The following SMYD3 variants were observed in gnomAD, a reference collection of about 807,000 sequenced individuals.
SMYD3 encodes the protein histone-lysine N-methyltransferase SMYD3.
SMYD3 carries 36 observed loss-of-function variants against 57.7 expected under a neutral mutation model. The observed-to-expected ratio is 0.62, with a 90% CI of 0.48 to 0.82. SMYD3 has a LOEUF of 0.82. SMYD3 is among the 40% of genes least tolerant of loss of function. SMYD3 has a pLI of 0.00. For synonymous variants in SMYD3, 211 were observed against 195.0 expected (o/e 1.08, Z -0.68); for missense variants, 515 against 538.8 (o/e 0.96, Z 0.44).
intron 5 of SMYD3, among the ~76,000 whole-genome samples, chr1:246,324,584 G>T (rs1448825498): frequency 1.3e-5 from 2 of 151,840 alleles, no homozygotes; most frequent in African/African-American, 4.8e-5. Flanking sequence ...CGTAAATTCA[G>T]AAGTCAGCAG....
intron 5 of SMYD3, among the ~76,000 whole-genome samples, chr1:246,231,582 T>C (rs2063409697): frequency 6.6e-6 from 1 of 152,222 alleles, no homozygotes; most frequent in Admixed American, 6.5e-5. Context: ...AGAAGTTACT[T>C]TCTTTAAACT....
intron 5 of SMYD3, among the ~76,000 whole-genome samples, chr1:246,146,108 G>T (rs920970186): frequency 6.6e-6 from 1 of 152,188 alleles, no homozygotes; most frequent in Admixed American, 6.5e-5. Context: ...TGCCCTCAGG[G>T]AGCTTACCTA....
intron 1 of SMYD3, among the ~76,000 whole-genome samples, chr1:246,454,141 C>T (rs539432343): frequency 7.4e-4 from 112 of 152,218 alleles, no homozygotes; most frequent in Non-Finnish European, 1.0e-3. Flanking sequence ...ACATGGGAAA[C>T]CAAGATTCTC....
At chr1:245,885,676 T>C (rs1431601556) in intron 8 of SMYD3, among the ~76,000 whole-genome samples, 1 of 152,200 alleles carries the variant, frequency 6.6e-6, no homozygotes, top group East Asian at 1.9e-4. Context: ...TTAGAGGTTC[T>C]CTCTGTCCCT....
At chr1:246,356,511 G>T (rs2065912264) in intron 1 of SMYD3, among the ~76,000 whole-genome samples, 2 of 152,138 alleles carry the variant, frequency 1.3e-5, no homozygotes, top group African/African-American at 4.8e-5. Context: ...AGGCACCAGA[G>T]AAAAGTGAAC....
chr1:246,166,964 C>T (rs532165239), intron 5 of SMYD3, among the ~76,000 whole-genome samples: 2 of 152,282 alleles, frequency 1.3e-5, no homozygotes, highest in Admixed American at 6.5e-5. Context: ...CAAGCCCTAG[C>T]GACCATCAAT....
chr1:246,442,905 A>G (rs2067491474), intron 1 of SMYD3, among the ~76,000 whole-genome samples: 2 of 152,150 alleles, frequency 1.3e-5, no homozygotes, highest in East Asian at 1.9e-4. Flanking sequence ...CACACTGTGC[A>G]CTCCACCTCA....
chr1:246,352,709 T>G (rs6692293), intron 2 of SMYD3, among the ~76,000 whole-genome samples: 145,049 of 152,234 alleles, frequency 0.95, 69,131 homozygotes, highest in East Asian at 1. Flanking sequence ...GCACTACAGG[T>G]AATCAAAATG....
intron 5 of SMYD3, among the ~76,000 whole-genome samples, chr1:246,248,687 G>A (rs1285537078): frequency 7.1e-6 from 1 of 140,384 alleles, no homozygotes; most frequent in Non-Finnish European, 1.5e-5. Context: ...TGTCGCCCAG[G>A]CTGGAGTGCA....
intron 5 of SMYD3, chr1:245,953,311 A>C: frequency 1.0e-6 from 1 of 997,560 alleles, no homozygotes; most frequent in Non-Finnish European, 1.2e-6. Context: ...CTCCAACTAG[A>C]CCAAAATCTT....
intron 5 of SMYD3, among the ~76,000 whole-genome samples, chr1:246,146,828 A>C (rs906694411): frequency 2.0e-5 from 3 of 152,142 alleles, no homozygotes; most frequent in African/African-American, 4.8e-5. Context: ...GAGAAGAAAG[A>C]AAGCAGCAGC....
intron 10 of SMYD3, among the ~76,000 whole-genome samples, chr1:245,803,613 TTATTATG>T (rs2047984612): frequency 6.6e-6 from 1 of 152,142 alleles, no homozygotes; most frequent in Admixed American, 6.5e-5. Context: ...GGCTAAAAAG[TTATTATG>T]TAACAAAACG....
At chr1:246,041,975 T>C (rs2059884822) in intron 5 of SMYD3, among the ~76,000 whole-genome samples, 1 of 152,224 alleles carries the variant, frequency 6.6e-6, no homozygotes, top group African/African-American at 2.4e-5. Flanking sequence ...AAATTGGTTT[T>C]ATTGCTTTCA....
In SMYD3 at chr1:246,342,768, A is replaced by C. The variant is rs553170455; in HGVS notation, c.229-7294T>G. 9.0e-4 allele frequency among the ~76,000 whole-genome samples: 137 copies of C among 152,240 alleles called. 1 individual carries two copies. Among genetic ancestry groups the C allele is most frequent in the African/African-American group, 3.3e-3 (136 of 41,542 alleles). On this transcript the variant is annotated intron_variant, in intron 2 of 11. Transcript: ENST00000490107. ...CTTAGGGCATAAGGTTGACAAGAGGAAAAAAAGAACGTGAATAAATGACCA... is the reference window on the plus strand; with the variant it reads ...CTTAGGGCATAAGGTTGACAAGAGGCAAAAAAGAACGTGAATAAATGACCA...
chr1:246,363,031 G>A (rs1046375318), intron 1 of SMYD3, among the ~76,000 whole-genome samples: 9 of 151,328 alleles, frequency 5.9e-5, no homozygotes, highest in Non-Finnish European at 8.8e-5. Flanking sequence ...GTCTCTGCCC[G>A]GCCGCCCATC....
chr1:245,847,832 A>G (rs1161952752), intron 10 of SMYD3, among the ~76,000 whole-genome samples: 1 of 152,228 alleles, frequency 6.6e-6, no homozygotes, highest in African/African-American at 2.4e-5. Flanking sequence ...TTGAACTACA[A>G]TGGAAAATGT....
At chr1:246,193,012 C>T (rs76028698) in intron 5 of SMYD3, among the ~76,000 whole-genome samples, 6,814 of 151,870 alleles carry the variant, frequency 0.045, 221 homozygotes, top group Non-Finnish European at 0.066. Flanking sequence ...TAAGTACAGC[C>T]AAATTAAGAA....
intron 2 of SMYD3, among the ~76,000 whole-genome samples, chr1:246,339,618 C>G (rs559177694): frequency 1.3e-5 from 2 of 152,294 alleles, no homozygotes; most frequent in East Asian, 3.9e-4. Flanking sequence ...CCTAGGGATT[C>G]TGACACTACC....
intron 1 of SMYD3, among the ~76,000 whole-genome samples, chr1:246,415,390 C>T (rs566084753): frequency 2.4e-4 from 37 of 152,262 alleles, no homozygotes; most frequent in African/African-American, 7.9e-4. Flanking sequence ...GTACTTACCA[C>T]GTCCCAGACT....
Sources: gnomAD v4.1 joint callset for allele counts (sites outside exome capture counted in the v4.1 genomes callset) on GRCh38, gnomAD v4.1.1 for gene constraint, MANE v1.5 for transcripts, NCBI Gene and HGNC (gene_info 2026-07-23, HGNC 2026-07-21) for gene names.